Variants in UVRAG observed in about 807,000 individuals in gnomAD.
UVRAG encodes the protein UV radiation resistance-associated gene protein.
UVRAG carries 19 observed loss-of-function variants against 78.0 expected under a neutral mutation model. That is an observed-to-expected ratio of 0.24 (90% CI 0.17 to 0.36). The LOEUF (loss-of-function observed/expected upper bound fraction) is 0.36. Among genes scored for constraint, UVRAG ranks in the 10% least tolerant of loss-of-function variants. The pLI is 1.00. For synonymous variants in UVRAG, 323 were observed against 324.6 expected (o/e 1.00, Z 0.05); for missense variants, 740 against 853.8 (o/e 0.87, Z 1.66).
intron 5 of UVRAG, among the ~76,000 whole-genome samples, chr11:75,891,049 C>T (rs188916211): frequency 6.6e-6 from 1 of 152,212 alleles, no homozygotes; most frequent in Admixed American, 6.5e-5. Context: ...ATTCAAGTGA[C>T]TTCTTCAAAA....
At chr11:75,946,895 A>G (rs1446307911) in intron 6 of UVRAG, among the ~76,000 whole-genome samples, 2 of 152,170 alleles carry the variant, frequency 1.3e-5, no homozygotes, top group East Asian at 3.8e-4. Flanking sequence ...GGTTTTAACA[A>G]CAGACATTTA....
intron 13 of UVRAG, among the ~76,000 whole-genome samples, chr11:76,088,269 C>T (rs1381636030): frequency 6.6e-6 from 1 of 152,154 alleles, no homozygotes; most frequent in Non-Finnish European, 1.5e-5. Context: ...ATTTTTGTCA[C>T]TTAAGTAATT....
At chr11:75,919,947 AAGC>A (rs1323941933) in intron 6 of UVRAG, among the ~76,000 whole-genome samples, 1 of 151,782 alleles carries the variant, frequency 6.6e-6, no homozygotes, top group Admixed American at 6.6e-5. Context: ...CTTCATAAGA[AAGC>A]AGGCACATAG....
intron 12 of UVRAG, among the ~76,000 whole-genome samples, chr11:76,054,142 T>C (rs1398660823): frequency 6.6e-6 from 1 of 152,110 alleles, no homozygotes; most frequent in Admixed American, 6.5e-5. Context: ...CTCCTAGCTG[T>C]TTAATTTCAC....
chr11:76,006,326 A>G (rs980952085), intron 9 of UVRAG, among the ~76,000 whole-genome samples: 5 of 152,086 alleles, frequency 3.3e-5, no homozygotes, highest in African/African-American at 9.7e-5. Flanking sequence ...CTTACTTTAC[A>G]GGTATTTTAT....
chr11:76,139,504 C>T (rs372794678), intron 14 of UVRAG, among the ~76,000 whole-genome samples: 2 of 152,126 alleles, frequency 1.3e-5, no homozygotes, highest in Admixed American at 1.3e-4. Flanking sequence ...TGCCTCTACC[C>T]CTGCCTAGTG....
chr11:75,839,862 T>TAG (rs1555071898), intron 1 of UVRAG, among the ~76,000 whole-genome samples: 49 of 148,998 alleles, frequency 3.3e-4, no homozygotes, highest in African/African-American at 5.5e-4. Context: ...CATATATATA[T>TAG]AGAGAGAGAG....
intron 9 of UVRAG, among the ~76,000 whole-genome samples, chr11:76,004,826 C>G (rs550321775): frequency 6.6e-6 from 1 of 152,044 alleles, no homozygotes; most frequent in East Asian, 1.9e-4. Flanking sequence ...TTTTGCTTAA[C>G]TTTCAAATAG....
At chr11:76,071,414 G>A (rs746436749) in intron 13 of UVRAG, among the ~76,000 whole-genome samples, 3 of 152,146 alleles carry the variant, frequency 2.0e-5, no homozygotes, top group Non-Finnish European at 4.4e-5. Context: ...TAGTAATTGA[G>A]TGGCAGAGGT....
chr11:76,050,074 A>G (rs1950833244), intron 12 of UVRAG, among the ~76,000 whole-genome samples: 2 of 152,200 alleles, frequency 1.3e-5, no homozygotes, highest in South Asian at 4.1e-4. Context: ...CATCAACATC[A>G]TTGTTATTGC....
rs545688635 is a variant in UVRAG, at chr11:75,925,586, G to T, written c.593+13547G>T. Among the ~76,000 whole-genome samples the T allele has an allele frequency of 9.9e-5, 15 of 152,232 alleles. No homozygotes were observed. The East Asian group carries it at 2.9e-3, about 29-fold the overall frequency. ...ACAGATAACAGATACAGCAAACAAA[G>T]GGTCTTTCATTCGTTGAGAAACTAA... is the stretch of plus-strand genomic sequence containing the variant. On this transcript the variant is annotated intron_variant, in intron 6 of 14. Coordinates refer to ENST00000356136, the MANE Select transcript of UVRAG (RefSeq NM_003369.4).
At chr11:75,910,523 A>T (rs1415361549) in intron 5 of UVRAG, among the ~76,000 whole-genome samples, 24 of 132,534 alleles carry the variant, frequency 1.8e-4, no homozygotes, top group African/African-American at 2.5e-4. Context: ...AAACATGACT[A>T]TTTATTCCTT....
At chr11:75,905,019 T>C (rs1272167748) in intron 5 of UVRAG, among the ~76,000 whole-genome samples, 4 of 152,184 alleles carry the variant, frequency 2.6e-5, no homozygotes, top group Non-Finnish European at 5.9e-5. Flanking sequence ...GTTCTTTCCC[T>C]GTTATAAAGT....
chr11:76,133,182 C>T (rs1952542069), intron 14 of UVRAG, among the ~76,000 whole-genome samples: 1 of 152,054 alleles, frequency 6.6e-6, no homozygotes, highest in Admixed American at 6.6e-5. Context: ...GGTACTTATT[C>T]ATTGTACTAG....
chr11:75,898,243 G>A (rs1018020920), intron 5 of UVRAG, among the ~76,000 whole-genome samples: 3 of 152,170 alleles, frequency 2.0e-5, no homozygotes, highest in African/African-American at 7.2e-5. Flanking sequence ...GAGGAAGGTA[G>A]GGCCAATTTA....
At position 76,141,052 on chromosome 11, in the gene UVRAG, A is replaced by T. The variant is rs779259045; in HGVS notation, c.1739A>T (p.His580Leu). The change falls in exon 15 of 15, where the codon CAC (histidine) becomes CTC (leucine). Residue 580 changes from histidine to leucine, a missense_variant. Physicochemically the swap from His to Leu is moderately conservative, Grantham distance 99. Transcript: ENST00000356136. ...TTAAACGGAGGCCACGCGAATGTGC[A>T]CCCTAGCCAAGAACAAGGAGAAGCC... is the stretch of plus-strand genomic sequence containing the variant. The part of the protein sequence containing the change: ...GSLNGGHANV[H>L]PSQEQGEALS... 1 of 1,613,936 alleles carries T rather than the reference A, an allele frequency of 6.2e-7. No individual in the cohort carries two copies. The highest frequency in any genetic ancestry group is 8.5e-7 in the Non-Finnish European group (1 of 1,180,024).
intron 3 of UVRAG, among the ~76,000 whole-genome samples, chr11:75,864,514 T>C (rs974442978): frequency 2.0e-5 from 3 of 152,252 alleles, no homozygotes; most frequent in Admixed American, 1.3e-4. Flanking sequence ...TTGCTGCCTC[T>C]GAAGAAGCAC....
chr11:75,889,245 T>C (rs1165964153), intron 5 of UVRAG, among the ~76,000 whole-genome samples: 1 of 152,256 alleles, frequency 6.6e-6, no homozygotes, highest in East Asian at 1.9e-4. Context: ...AGATATCTTT[T>C]ATAACTTTCA....
At position 76,140,993 on chromosome 11, in the gene UVRAG, AAAC is replaced by A; in HGVS notation, c.1683_1685del (p.Asn561del). The A allele has an allele frequency of 6.2e-7, 1 of 1,614,136 alleles. No individual in the cohort carries two copies. Among genetic ancestry groups the A allele is most frequent in the Non-Finnish European group, 8.5e-7 (1 of 1,180,024 alleles). On this transcript the variant is annotated inframe_deletion, in exon 15 of 15. Coordinates refer to ENST00000356136, the MANE Select transcript of UVRAG (RefSeq NM_003369.4). ...ATACCTCCTTGGACTTCTCCAAAGA[AAAC>A]AAGAAAAAAGGAGAGGATCTAGTTG...
Sources: gnomAD v4.1 joint callset for allele counts (sites outside exome capture counted in the v4.1 genomes callset) on GRCh38, gnomAD v4.1.1 for gene constraint, MANE v1.5 for transcripts, NCBI Gene and HGNC (gene_info 2026-07-23, HGNC 2026-07-21) for gene names.